Variants in PTGR3 observed in about 807,000 individuals in gnomAD.
PTGR3 encodes the protein prostaglandin reductase 3.
the PTGR3 span, among the ~76,000 whole-genome samples, chr18:75,203,733 A>C: frequency 2.0e-5 from 3 of 150,894 alleles, no homozygotes; most frequent in Non-Finnish European, 4.4e-5. Context: ...TTTAATATCA[A>C]GATGCCTACG....
At chr18:75,206,294 C>A in the PTGR3 span, among the ~76,000 whole-genome samples, 1 of 152,044 alleles carries the variant, frequency 6.6e-6, no homozygotes, top group East Asian at 1.9e-4. Context: ...GTATTTTGTG[C>A]TAAGATGCAA....
At chr18:75,203,108 A>G in the PTGR3 span, among the ~76,000 whole-genome samples, 1 of 152,228 alleles carries the variant, frequency 6.6e-6, no homozygotes, top group Admixed American at 6.5e-5. Flanking sequence ...AATCGTTACT[A>G]TATTTTTCCT....
the PTGR3 span, among the ~76,000 whole-genome samples, chr18:75,207,493 T>C: frequency 6.6e-6 from 1 of 152,130 alleles, no homozygotes; most frequent in East Asian, 1.9e-4. Flanking sequence ...ACGCTCTTAC[T>C]CTCAACAGCA....
the PTGR3 span, chr18:75,202,348 AAAAC>A: frequency 1.6e-5 from 25 of 1,596,908 alleles, no homozygotes; most frequent in Middle Eastern, 1.7e-4. Flanking sequence ...AATCTAAAAG[AAAAC>A]AAACAAACAA....
At chr18:75,200,052 T>C in the PTGR3 span, 1 of 152,368 alleles carries the variant, frequency 6.6e-6, no homozygotes, top group Non-Finnish European at 1.5e-5. Context: ...AGTCCCCAAA[T>C]TTCCTAGAGC....
At chr18:75,202,809 A>AC in the PTGR3 span, among the ~76,000 whole-genome samples, 37 of 152,334 alleles carry the variant, frequency 2.4e-4, 1 homozygote, top group East Asian at 6.6e-3. Context: ...AAATATATTC[A>AC]AAGAAGTAGA....
chr18:75,198,679 C>G, the PTGR3 span: 1 of 152,172 alleles, frequency 6.6e-6, no homozygotes, highest in African/African-American at 2.4e-5. Flanking sequence ...ATCACTGGGA[C>G]TCCTTGGTTT....
At chr18:75,201,866 G>A in the PTGR3 span, 21 of 1,614,032 alleles carry the variant, frequency 1.3e-5, no homozygotes, top group African/African-American at 1.3e-5. Context: ...CGGTACCTAC[G>A]GGTTCAGTTT....
At chr18:75,205,384 C>A in the PTGR3 span, 1 of 984,000 alleles carries the variant, frequency 1.0e-6, no homozygotes, top group Non-Finnish European at 1.2e-6. Flanking sequence ...CCCACCCCCC[C>A]TTTAATTGAA....
At chr18:75,201,001 T>G in the PTGR3 span, 1 of 163,022 alleles carries the variant, frequency 6.1e-6, no homozygotes. Context: ...ACTCATGAAC[T>G]GCTTATGAGC....
chr18:75,201,835 C>T, the PTGR3 span: 1 of 1,614,204 alleles, frequency 6.2e-7, no homozygotes. Flanking sequence ...TCGACACCTT[C>T]AGGGTACTCC....
the PTGR3 span, chr18:75,199,655 G>GT: frequency 6.6e-6 from 1 of 152,128 alleles, no homozygotes; most frequent in Admixed American, 6.5e-5. Context: ...CACTGGACGG[G>GT]TTTTTCCTAG....
the PTGR3 span, chr18:75,201,907 A>AC: frequency 9.3e-6 from 15 of 1,614,176 alleles, no homozygotes; most frequent in Non-Finnish European, 1.3e-5. Flanking sequence ...CAGCCAAGAG[A>AC]TTTCAGAAAA....
chr18:75,202,256 G>C, the PTGR3 span: 2 of 1,614,144 alleles, frequency 1.2e-6, no homozygotes, highest in Non-Finnish European at 1.7e-6. Context: ...CAATGCCTTC[G>C]AAACCTATGT....
the PTGR3 span, chr18:75,200,402 C>T: frequency 1.3e-5 from 2 of 152,180 alleles, no homozygotes; most frequent in African/African-American, 4.8e-5. Flanking sequence ...ATTCTGTTTC[C>T]AGAATCAGAG....
chr18:75,198,642 T>C, the PTGR3 span: 1 of 152,208 alleles, frequency 6.6e-6, no homozygotes, highest in East Asian at 1.9e-4. Context: ...ATTTGGCTCT[T>C]TAGAAGTCAT....
At chr18:75,207,848 G>C in the PTGR3 span, among the ~76,000 whole-genome samples, 1 of 152,170 alleles carries the variant, frequency 6.6e-6, no homozygotes, top group African/African-American at 2.4e-5. Flanking sequence ...TTACAACATA[G>C]TTACAGTCAG....
At chr18:75,207,229 C>A in the PTGR3 span, among the ~76,000 whole-genome samples, 1 of 152,208 alleles carries the variant, frequency 6.6e-6, no homozygotes, top group South Asian at 2.1e-4. Context: ...GCCTCCTCCC[C>A]ATATCACACC....
At chr18:75,206,271 G>C in the PTGR3 span, among the ~76,000 whole-genome samples, 47 of 152,250 alleles carry the variant, frequency 3.1e-4, no homozygotes, top group African/African-American at 1.1e-3. Flanking sequence ...CCCTCCCTGT[G>C]AATGAAGAAT....
Sources: gnomAD v4.1 joint callset for allele counts (sites outside exome capture counted in the v4.1 genomes callset) on GRCh38, gnomAD v4.1.1 for gene constraint, MANE v1.5 for transcripts, NCBI Gene and HGNC (gene_info 2026-07-23, HGNC 2026-07-21) for gene names.